Variants in HP1BP3 observed in about 807,000 individuals in gnomAD.
HP1BP3 encodes heterochromatin protein 1 binding protein 3.
HP1BP3 carries 12 observed loss-of-function variants against 62.5 expected under a neutral mutation model. That is an observed-to-expected ratio of 0.19 (90% CI 0.12 to 0.31). HP1BP3 has a LOEUF of 0.31. Among genes scored for constraint, HP1BP3 ranks in the 10% least tolerant of loss-of-function variants. The probability of loss-of-function intolerance (pLI) is 1.00; values close to 1 mark genes in which losing one functional copy is unlikely to be tolerated. For synonymous variants in HP1BP3, 260 were observed against 237.8 expected (o/e 1.09, Z -0.86); for missense variants, 502 against 651.8 (o/e 0.77, Z 2.50).
At chr1:20,769,192 A>T (rs1054571396) in intron 6 of HP1BP3, among the ~76,000 whole-genome samples, 3 of 152,148 alleles carry the variant, frequency 2.0e-5, no homozygotes, top group Non-Finnish European at 4.4e-5. Flanking sequence ...AGCTCAACTC[A>T]AGCGATCCTC....
intron 6 of HP1BP3, among the ~76,000 whole-genome samples, chr1:20,768,081 CTAAT>C (rs1313302284): frequency 5.3e-5 from 8 of 151,832 alleles, no homozygotes; most frequent in African/African-American, 1.9e-4. Context: ...AGTTTAGAGC[CTAAT>C]TAGTCTCAGA....
chr1:20,747,685 A>T (rs369827541), intron 10 of HP1BP3, 30 bp from the exon 11 acceptor site: 1 of 1,380,322 alleles, frequency 7.2e-7, no homozygotes, highest in Non-Finnish European at 1.0e-6. Context: ...AATGAAAGTT[A>T]TCTAGTTATT....
chr1:20,785,967 G>A (rs1399905382), intron 1 of HP1BP3, among the ~76,000 whole-genome samples: 1 of 152,160 alleles, frequency 6.6e-6, no homozygotes, highest in African/African-American at 2.4e-5. Context: ...AGCCCCAGGC[G>A]ATTTTTAGAC....
intron 8 of HP1BP3, among the ~76,000 whole-genome samples, chr1:20,761,398 G>A (rs992429238): frequency 6.6e-6 from 1 of 152,126 alleles, no homozygotes; most frequent in African/African-American, 2.4e-5. Flanking sequence ...ATTAGATAAA[G>A]GTGTCTGATA....
chr1:20,781,026 C>G (rs1372837660), intron 1 of HP1BP3, among the ~76,000 whole-genome samples: 1 of 151,994 alleles, frequency 6.6e-6, no homozygotes, highest in African/African-American at 2.4e-5. Context: ...TGCTGAATAA[C>G]ATGACATTCT....
In HP1BP3 at chr1:20,776,319, C is replaced by G. The variant is rs1029234949; in HGVS notation, c.350+278G>C. 1.6e-5 allele frequency: 7 copies of G among 425,754 alleles called. No homozygotes were observed. The East Asian group carries it at 2.6e-4, about 16-fold the overall frequency. The allele number at this position is 425,754 out of a possible 1,614,324, so 26.4% of individuals were successfully genotyped here. ...GAAGTCTTGCCAATGCTTAAAATAT[C>G]AGATACTCCCACAATAAATTACAAG... On this transcript the variant is annotated intron_variant, in intron 4 of 12. Coordinates refer to ENST00000438032, the MANE Select transcript of HP1BP3 (RefSeq NM_001372052.1).
chr1:20,749,747 G>T lies in HP1BP3; in HGVS notation c.1117C>A (p.Pro373Thr). The T allele has an allele frequency of 1.2e-6, 2 of 1,612,788 alleles. No individual in the cohort carries two copies. Among genetic ancestry groups the T allele is most frequent in the Non-Finnish European group, 1.7e-6 (2 of 1,179,464 alleles). Residue 373 changes from proline to threonine, a missense_variant, in exon 10 of 13, where the codon CCA (proline) becomes ACA (threonine). Physicochemically the swap from Pro to Thr is conservative, Grantham distance 38. Around this residue, in one of 5 missense-constraint regions of HP1BP3, gnomAD observed 111 missense variants for 242.0 expected, o/e 0.46. Transcript: ENST00000438032. ...ALKKYVLENHPGTNSNYQMHL... is the reference protein window; with the variant it reads ...ALKKYVLENHTGTNSNYQMHL... ...CTTTGATAGTTAGAATTGGTTCCTG[G>T]GTGATTCTCTAGGACATACTTCTTC...
chr1:20,755,528 T>C (rs2056051083), intron 9 of HP1BP3: 1 of 330,584 alleles, frequency 3.0e-6, no homozygotes, highest in Non-Finnish European at 6.4e-6. Flanking sequence ...TGAGCCAAGA[T>C]CACACCACTG....
chr1:20,770,054 A>G (rs1054882440), intron 6 of HP1BP3, among the ~76,000 whole-genome samples: 1 of 152,318 alleles, frequency 6.6e-6, no homozygotes, highest in African/African-American at 2.4e-5. Context: ...AACATAATAT[A>G]AAGTTTATTC....
chr1:20,759,788 A>C (rs561632492), intron 8 of HP1BP3, among the ~76,000 whole-genome samples: 5 of 152,224 alleles, frequency 3.3e-5, no homozygotes, highest in African/African-American at 1.2e-4. Context: ...AATGCAACAC[A>C]AAGGCTCTGA....
At chr1:20,768,289 A>G (rs993449189) in intron 6 of HP1BP3, among the ~76,000 whole-genome samples, 1 of 152,144 alleles carries the variant, frequency 6.6e-6, no homozygotes, top group African/African-American at 2.4e-5. Context: ...TACTAAAAAT[A>G]CAAAAAATTA....
At chr1:20,770,692 C>A (rs1459294181) in intron 6 of HP1BP3, among the ~76,000 whole-genome samples, 1 of 152,022 alleles carries the variant, frequency 6.6e-6, no homozygotes, top group Non-Finnish European at 1.5e-5. Flanking sequence ...GCACAAGCAG[C>A]CCCCCAAAAA....
intron 1 of HP1BP3, among the ~76,000 whole-genome samples, chr1:20,785,477 C>G (rs1188387851): frequency 6.6e-6 from 1 of 152,184 alleles, no homozygotes; most frequent in Non-Finnish European, 1.5e-5. Context: ...AAGTCATTCA[C>G]TACACTCAGA....
At chr1:20,746,769 A>T (rs1259900073) in intron 11 of HP1BP3, among the ~76,000 whole-genome samples, 1 of 152,164 alleles carries the variant, frequency 6.6e-6, no homozygotes, top group Non-Finnish European at 1.5e-5. Context: ...TAATCCCATC[A>T]CTTTGGGAGG....
chr1:20,752,630 A>G (rs865898746), intron 9 of HP1BP3, among the ~76,000 whole-genome samples: 3 of 152,150 alleles, frequency 2.0e-5, no homozygotes, highest in Non-Finnish European at 4.4e-5. Context: ...TGCAGAAGCA[A>G]TGGTGGGTAA....
chr1:20,786,538 G>A (rs994903749), intron 1 of HP1BP3: 1 of 152,272 alleles, frequency 6.6e-6, no homozygotes, highest in Non-Finnish European at 1.5e-5. Flanking sequence ...GATGAGGCTG[G>A]GGCTCGGCGC....
At chr1:20,781,965 G>C (rs1027627112) in intron 1 of HP1BP3, among the ~76,000 whole-genome samples, 3 of 152,068 alleles carry the variant, frequency 2.0e-5, no homozygotes, top group African/African-American at 7.2e-5. Flanking sequence ...CAAATCTGCT[G>C]GTATTTTTAC....
At chr1:20,781,814 T>G (rs966126765) in intron 1 of HP1BP3, among the ~76,000 whole-genome samples, 1 of 152,028 alleles carries the variant, frequency 6.6e-6, no homozygotes, top group African/African-American at 2.4e-5. Context: ...TTAGTAGAGA[T>G]GGGGTTTCAC....
chr1:20,747,526 T>C lies in HP1BP3; in HGVS notation c.1253+18A>G, dbSNP rs751909234. 2.1e-6 allele frequency: 3 copies of C among 1,443,820 alleles called. No individual in the cohort carries two copies. Among genetic ancestry groups the C allele is most frequent in the Non-Finnish European group, 2.9e-6 (3 of 1,031,540 alleles). The allele number at this position is 1,443,820 out of a possible 1,614,324, so 89.4% of individuals were successfully genotyped here. On this transcript the variant is annotated intron_variant, in intron 11 of 12. Transcript: ENST00000438032. ...AGACTATAAATTTACAGTGATCTAT[T>C]ATAGGCTAAGTACTTACCTGGGATA... is the stretch of plus-strand genomic sequence containing the variant.
Sources: allele counts gnomAD v4.1 joint callset (sites outside exome capture counted in the v4.1 genomes callset), GRCh38; gene constraint gnomAD v4.1.1; regional missense constraint gnomAD v4.1.1; transcripts MANE v1.5; gene names NCBI Gene and HGNC (gene_info 2026-07-23, HGNC 2026-07-21).